The following WWC2 variants were observed in gnomAD, a reference collection of about 807,000 sequenced individuals.
WWC2 encodes protein WWC2.
In WWC2, 101 loss-of-function variants were observed where a neutral mutation model predicts 138.5. The observed-to-expected ratio is 0.73, with a 90% CI of 0.62 to 0.86. The LOEUF (loss-of-function observed/expected upper bound fraction) is 0.86. Among genes scored for constraint, WWC2 ranks in the 40% least tolerant of loss-of-function variants. The pLI is 0.00. For missense variants in WWC2, 1,420 were observed against 1,419.4 expected (o/e 1.00, Z -0.01); for synonymous variants, 558 against 538.4 (o/e 1.04, Z -0.50).
chr4:183,150,124 T>A (rs1005070653), intron 1 of WWC2, among the ~76,000 whole-genome samples: 1 of 152,250 alleles, frequency 6.6e-6, no homozygotes. Flanking sequence ...GAGTGAGAGG[T>A]CCTGGCCTGC....
At chr4:183,196,247 T>G (rs902093489) in intron 2 of WWC2, among the ~76,000 whole-genome samples, 26 of 152,162 alleles carry the variant, frequency 1.7e-4, no homozygotes, top group African/African-American at 6.3e-4. Flanking sequence ...TATTCCTTTA[T>G]AACAAGGCAA....
At chr4:183,216,912 A>G (rs1224489060) in intron 4 of WWC2, among the ~76,000 whole-genome samples, 1 of 152,184 alleles carries the variant, frequency 6.6e-6, no homozygotes, top group African/African-American at 2.4e-5. Context: ...CTGGAGAAAG[A>G]AAGTGATAGG....
chr4:183,217,232 T>C (rs564672920), intron 4 of WWC2, among the ~76,000 whole-genome samples: 4 of 152,218 alleles, frequency 2.6e-5, no homozygotes, highest in South Asian at 2.1e-4. Context: ...GAATTTTTCA[T>C]GTGTATTGGG....
intron 4 of WWC2, among the ~76,000 whole-genome samples, chr4:183,238,540 G>A (rs1202174977): frequency 6.6e-6 from 1 of 151,982 alleles, no homozygotes; most frequent in African/African-American, 2.4e-5. Context: ...TCCATCTTTT[G>A]ACACCCCCAC....
At chr4:183,160,267 C>T (rs1328334256) in intron 1 of WWC2, among the ~76,000 whole-genome samples, 1 of 152,202 alleles carries the variant, frequency 6.6e-6, no homozygotes, top group African/African-American at 2.4e-5. Flanking sequence ...TTCTTTATGT[C>T]ACCCACTGAT....
At chr4:183,186,253 A>G (rs1734797877) in intron 1 of WWC2, among the ~76,000 whole-genome samples, 1 of 152,114 alleles carries the variant, frequency 6.6e-6, no homozygotes, top group Non-Finnish European at 1.5e-5. Context: ...CTAACATAGA[A>G]TATTGTAAGC....
Position 183,298,419 on chromosome 4 carries a change from C to T in WWC2, c.3384+8784C>T, listed in dbSNP as rs181330433. ...ACCCAGGGAAAGAGCCATTGGTATA[C>T]ACCTGAGGTCCCTGTTTAGGGTCCA... On this transcript the variant is annotated intron_variant, in intron 21 of 22. Transcript: ENST00000403733. Among the ~76,000 whole-genome samples the T allele has an allele frequency of 4.5e-3, 682 of 152,154 alleles. 2 individuals carry two copies. Among genetic ancestry groups the T allele is most frequent in the African/African-American group, 0.016 (653 of 41,508 alleles).
chr4:183,176,822 A>C (rs1195926994), intron 1 of WWC2, among the ~76,000 whole-genome samples: 3 of 152,106 alleles, frequency 2.0e-5, no homozygotes, highest in Non-Finnish European at 4.4e-5. Context: ...CATCAGTGGC[A>C]AATGGCAGCT....
At chr4:183,241,730 TA>T (rs1736629260) in intron 5 of WWC2, among the ~76,000 whole-genome samples, 1 of 151,708 alleles carries the variant, frequency 6.6e-6, no homozygotes, top group African/African-American at 2.4e-5. Context: ...TAGAATGACA[TA>T]AATGCATTAT....
intron 14 of WWC2, among the ~76,000 whole-genome samples, chr4:183,267,731 T>C (rs982879510): frequency 3.9e-5 from 6 of 152,204 alleles, no homozygotes; most frequent in Non-Finnish European, 5.9e-5. Flanking sequence ...GCCCAACCAA[T>C]GAGCAGACAT....
At position 183,319,931 on chromosome 4, in the gene WWC2, C is replaced by G; in HGVS notation, c.*4202C>G. 3 of 1,613,524 alleles carry G rather than the reference C, an allele frequency of 1.9e-6. No homozygotes were observed. The highest frequency in any genetic ancestry group is 2.5e-6 in the Non-Finnish European group (3 of 1,179,660). ...AACAGTCCAGGCCAAACCCAGAGAC[C>G]AGCAGGCCCAGAAATCCCAGCCCAT... On this transcript the variant is annotated 3_prime_UTR_variant, in exon 23 of 23. Transcript: ENST00000403733.
Position 183,319,198 on chromosome 4 carries a change from AAAC to A in WWC2, c.*3471_*3473del, listed in dbSNP as rs1553982811. ...CAGGCTTATTATACTAGGTTATCTT[AAAC>A]ACCTGAAATAAGTAAATGATTTGCC... On this transcript the variant is annotated 3_prime_UTR_variant, in exon 23 of 23. Transcript: ENST00000403733. 2 of 183,178 alleles carry A rather than the reference AAAC, an allele frequency of 1.1e-5. No homozygotes were observed. The highest frequency in any genetic ancestry group is 2.3e-5 in the Non-Finnish European group (2 of 86,540). The allele number at this position is 183,178 out of a possible 1,614,324, so 11.3% of individuals were successfully genotyped here.
At chr4:183,112,495 C>T (rs1365065315) in intron 1 of WWC2, among the ~76,000 whole-genome samples, 1 of 152,166 alleles carries the variant, frequency 6.6e-6, no homozygotes, top group African/African-American at 2.4e-5. Flanking sequence ...ATAATTTGTC[C>T]CCAGCTTACT....
chr4:183,188,089 A>C (rs1389864480), intron 1 of WWC2, among the ~76,000 whole-genome samples: 1 of 152,228 alleles, frequency 6.6e-6, no homozygotes, highest in Non-Finnish European at 1.5e-5. Flanking sequence ...AGTAAACAGT[A>C]ATATAAGTTG....
At chr4:183,129,233 G>C (rs1732848948) in intron 1 of WWC2, among the ~76,000 whole-genome samples, 1 of 152,186 alleles carries the variant, frequency 6.6e-6, no homozygotes. Flanking sequence ...AGGAGGAACG[G>C]CTGGTGGAAA....
At chr4:183,178,106 T>G (rs1384095775) in intron 1 of WWC2, among the ~76,000 whole-genome samples, 1 of 152,194 alleles carries the variant, frequency 6.6e-6, no homozygotes, top group Non-Finnish European at 1.5e-5. Flanking sequence ...CCAACATACT[T>G]TCTTCTTGCA....
intron 16 of WWC2, among the ~76,000 whole-genome samples, chr4:183,276,576 T>A (rs1430422111): frequency 6.6e-6 from 1 of 152,164 alleles, no homozygotes; most frequent in African/African-American, 2.4e-5. Context: ...TCCATTTTAT[T>A]CCCTTTCCTC....
chr4:183,123,979 G>A (rs1732682689), intron 1 of WWC2, among the ~76,000 whole-genome samples: 2 of 152,104 alleles, frequency 1.3e-5, no homozygotes, highest in Admixed American at 1.3e-4. Context: ...AAAAAATTCG[G>A]AACGTTCATT....
chr4:183,231,637 G>C (rs1357653231), intron 4 of WWC2, among the ~76,000 whole-genome samples: 1 of 152,124 alleles, frequency 6.6e-6, no homozygotes, highest in Admixed American at 6.6e-5. Flanking sequence ...CGAGGAATGA[G>C]TGCTACAGAA....
Sources: gnomAD v4.1 joint callset for allele counts (sites outside exome capture counted in the v4.1 genomes callset) on GRCh38, gnomAD v4.1.1 for gene constraint, MANE v1.5 for transcripts, NCBI Gene and HGNC (gene_info 2026-07-23, HGNC 2026-07-21) for gene names.